SASH1: variants seen among roughly 807,000 people sequenced by gnomAD.
The protein encoded by SASH1 is SAM and SH3 domain-containing protein 1.
SASH1 carries 44 observed loss-of-function variants against 125.2 expected under a neutral mutation model. The observed-to-expected ratio is 0.35, with a 90% CI of 0.28 to 0.45. The LOEUF (loss-of-function observed/expected upper bound fraction) is 0.45, where lower values mean the gene tolerates loss of function less well. SASH1 is among the 20% of genes least tolerant of loss of function. SASH1 has a pLI of 1.00. For synonymous variants in SASH1, 639 were observed against 649.1 expected (o/e 0.98, Z 0.24); for missense variants, 1,426 against 1,614.5 (o/e 0.88, Z 2.00).
At chr6:148,386,094 C>A (rs1191829131) in intron 1 of SASH1, among the ~76,000 whole-genome samples, 1 of 152,142 alleles carries the variant, frequency 6.6e-6, no homozygotes, top group Non-Finnish European at 1.5e-5. Context: ...CGGATTTGAA[C>A]TGGAAAACAC....
At chr6:148,499,061 T>TTTG (rs1554264905) in intron 8 of SASH1, among the ~76,000 whole-genome samples, 1 of 150,030 alleles carries the variant, frequency 6.7e-6, no homozygotes, top group African/African-American at 2.4e-5. Flanking sequence ...TTTTTTGTTT[T>TTTG]TTTTTTTTTT....
At chr6:148,204,398 G>A in the SASH1 span, among the ~76,000 whole-genome samples, 1 of 152,134 alleles carries the variant, frequency 6.6e-6, no homozygotes, top group Non-Finnish European at 1.5e-5. Context: ...GTTTTTGAAA[G>A]ATAAAATTCT....
intron 1 of SASH1, among the ~76,000 whole-genome samples, chr6:148,332,511 G>A (rs918770842): frequency 6.6e-6 from 1 of 151,846 alleles, no homozygotes; most frequent in African/African-American, 2.4e-5. Flanking sequence ...TAAAACATAT[G>A]CTATTCTAAG....
upstream of SASH1, among the ~76,000 whole-genome samples, chr6:148,338,404 G>A (rs1781226120): frequency 1.4e-5 from 2 of 143,852 alleles, no homozygotes; most frequent in Non-Finnish European, 3.0e-5. Context: ...TACATCCTGG[G>A]CAACAGAGTG....
Position 148,400,640 on chromosome 6 carries a change from A to G in SASH1, c.285+10378A>G, listed in dbSNP as rs570236731. Among the ~76,000 whole-genome samples, 3 of 152,302 alleles carry G rather than the reference A, an allele frequency of 2.0e-5. No individual in the cohort carries two copies. The South Asian group carries it at 6.2e-4, about 32-fold the overall frequency. ...GTGGCACACACCTATTGTCCCAGCC[A>G]CTGGGAAGCCTGAAGTGGGAGGATC... is the stretch of plus-strand genomic sequence containing the variant. On this transcript the variant is annotated intron_variant, in intron 2 of 19. Transcript: ENST00000367467.
At chr6:148,207,021 AC>A in the SASH1 span, among the ~76,000 whole-genome samples, 1 of 152,068 alleles carries the variant, frequency 6.6e-6, no homozygotes, top group South Asian at 2.1e-4. Context: ...ACCCACTGAC[AC>A]CCGGCCCCTC....
At chr6:148,528,388 T>G (rs984689549) in intron 12 of SASH1, among the ~76,000 whole-genome samples, 1 of 152,170 alleles carries the variant, frequency 6.6e-6, no homozygotes, top group Admixed American at 6.5e-5. Context: ...TTGAAATATG[T>G]AGGTAATGCA....
the SASH1 span, among the ~76,000 whole-genome samples, chr6:148,197,207 C>T: frequency 3.2e-4 from 48 of 152,260 alleles, no homozygotes; most frequent in African/African-American, 1.1e-3. Flanking sequence ...GTTACAGGAC[C>T]TACACATGAG....
intron 1 of SASH1, among the ~76,000 whole-genome samples, chr6:148,372,011 A>C (rs1321710681): frequency 1.3e-5 from 2 of 152,156 alleles, no homozygotes; most frequent in Non-Finnish European, 1.5e-5. Flanking sequence ...TGGCTATGCA[A>C]AATGCCTGGA....
intron 10 of SASH1, among the ~76,000 whole-genome samples, chr6:148,521,620 C>G (rs1353900760): frequency 6.6e-6 from 1 of 152,174 alleles, no homozygotes; most frequent in Non-Finnish European, 1.5e-5. Flanking sequence ...AACTTTTCTT[C>G]TGGCTCTTTC....
the SASH1 span, among the ~76,000 whole-genome samples, chr6:148,264,992 T>C: frequency 1.7e-4 from 26 of 152,366 alleles, no homozygotes; most frequent in Middle Eastern, 3.4e-3. Flanking sequence ...GCTGAATAAA[T>C]TGAGATTTAT....
rs1160055852 is a variant in SASH1, at chr6:148,419,248, A to T, written c.286-20936A>T. On this transcript the variant is annotated intron_variant, in intron 2 of 19. Transcript: ENST00000367467. Reference sequence around the variant, plus strand: ...TAGAATATTTAAAATCTGTACTGGGATGGGATGCTAATGGTTTCTCATTCT... The same window carrying T: ...TAGAATATTTAAAATCTGTACTGGGTTGGGATGCTAATGGTTTCTCATTCT... Among the ~76,000 whole-genome samples, 4 of 152,326 alleles carry T rather than the reference A, an allele frequency of 2.6e-5. No individual in the cohort carries two copies. The South Asian group carries it at 6.2e-4, about 24-fold the overall frequency.
chr6:148,288,439 G>A (rs919764981), intron 1 of SASH1, among the ~76,000 whole-genome samples: 4 of 152,118 alleles, frequency 2.6e-5, no homozygotes, highest in African/African-American at 9.7e-5. Flanking sequence ...CTAAAATTCA[G>A]TATAATTAAA....
At chr6:148,464,580 A>G (rs993973782) in intron 4 of SASH1, among the ~76,000 whole-genome samples, 1 of 152,120 alleles carries the variant, frequency 6.6e-6, no homozygotes, top group Non-Finnish European at 1.5e-5. Context: ...AGATTAGTAA[A>G]TGACCCCTTC....
At chr6:148,526,380 A>T (rs1562484203) in intron 11 of SASH1, among the ~76,000 whole-genome samples, 1 of 152,068 alleles carries the variant, frequency 6.6e-6, no homozygotes, top group Non-Finnish European at 1.5e-5. Flanking sequence ...TCTTACATGT[A>T]GTTTAGCTTG....
the SASH1 span, among the ~76,000 whole-genome samples, chr6:148,250,173 G>A: frequency 2.0e-5 from 3 of 152,140 alleles, no homozygotes; most frequent in East Asian, 5.8e-4. Context: ...GTGCAGATAG[G>A]GGGAGGGGCA....
At chr6:148,428,686 G>A (rs1220871132) in intron 2 of SASH1, among the ~76,000 whole-genome samples, 1 of 147,300 alleles carries the variant, frequency 6.8e-6, no homozygotes, top group African/African-American at 2.5e-5. Flanking sequence ...TATTTTAACA[G>A]AGAGCACTAA....
chr6:148,367,315 C>T lies in SASH1; in HGVS notation c.157-22819C>T, dbSNP rs116727113. ...CTTAAGCTAAAAACTTAGGTGAGAACACACCTCAGTCCTTTTAGCAATCCT... is the reference window on the plus strand; with the variant it reads ...CTTAAGCTAAAAACTTAGGTGAGAATACACCTCAGTCCTTTTAGCAATCCT... On this transcript the variant is annotated intron_variant, in intron 1 of 19. Coordinates refer to ENST00000367467, the MANE Select transcript of SASH1 (RefSeq NM_015278.5). Among the ~76,000 whole-genome samples, 1,274 of 152,330 alleles carry T rather than the reference C, an allele frequency of 8.4e-3. 18 individuals carry two copies. The highest frequency in any genetic ancestry group is 0.028 in the African/African-American group (1,147 of 41,580).
chr6:148,417,581 C>CAAAAAAAAAAAAAAA (rs1356946579), intron 2 of SASH1, among the ~76,000 whole-genome samples: 13 of 68,596 alleles, frequency 1.9e-4, no homozygotes, highest in African/African-American at 6.0e-4. Context: ...GGGACTCTGT[C>CAAAAAAAAAAAAAAA]AAAATAAATA....
Sources: allele counts gnomAD v4.1 joint callset (sites outside exome capture counted in the v4.1 genomes callset), GRCh38; gene constraint gnomAD v4.1.1; transcripts MANE v1.5; gene names NCBI Gene and HGNC (gene_info 2026-07-23, HGNC 2026-07-21).